Variants in AGTPBP1 observed in about 807,000 individuals in gnomAD.
AGTPBP1 encodes cytosolic carboxypeptidase 1.
A neutral mutation model predicts 143.9 loss-of-function variants in AGTPBP1; 70 were observed. The ratio of observed to expected loss-of-function variants is 0.49; its 90% CI spans 0.40 to 0.59. The LOEUF is 0.59. Ranked by LOEUF, AGTPBP1 falls within the 20% of genes least tolerant of loss-of-function variation. The probability of loss-of-function intolerance (pLI) is 0.00; values close to 1 mark genes in which losing one functional copy is unlikely to be tolerated. For synonymous variants in AGTPBP1, 463 were observed against 500.2 expected, an observed-to-expected ratio of 0.93 and a Z score of 0.99; for missense variants, 1,229 against 1,464.5, an observed-to-expected ratio of 0.84 and a Z score of 2.62.
chr9:85,765,000 T>G, the AGTPBP1 span: 1 of 670,058 alleles, frequency 1.5e-6, no homozygotes, highest in East Asian at 2.7e-5. Flanking sequence ...CTTTTTCACA[T>G]AATCATAAAT....
chr9:85,568,144 G>T (rs1827228328), intron 25 of AGTPBP1, among the ~76,000 whole-genome samples: 1 of 152,134 alleles, frequency 6.6e-6, no homozygotes, highest in Non-Finnish European at 1.5e-5. Context: ...GACCAGTGTG[G>T]TCCACAAACT....
At chr9:85,593,983 T>G (rs1829134444) in intron 18 of AGTPBP1, among the ~76,000 whole-genome samples, 2 of 152,196 alleles carry the variant, frequency 1.3e-5, no homozygotes, top group Admixed American at 1.3e-4. Context: ...GTTCAAAGTA[T>G]TTTCAAATTG....
chr9:85,630,542 C>T (rs565419566), intron 14 of AGTPBP1, among the ~76,000 whole-genome samples: 19 of 152,134 alleles, frequency 1.2e-4, no homozygotes, highest in East Asian at 3.9e-4. Flanking sequence ...TGCAGTGGCA[C>T]GATCACGGCT....
intron 14 of AGTPBP1, among the ~76,000 whole-genome samples, chr9:85,627,692 A>G (rs908580650): frequency 6.6e-6 from 1 of 152,122 alleles, no homozygotes; most frequent in African/African-American, 2.4e-5. Context: ...AGGAAGACCA[A>G]CCTATCCTTC....
intron 25 of AGTPBP1, among the ~76,000 whole-genome samples, chr9:85,547,776 C>T (rs1044759380): frequency 4.6e-5 from 7 of 152,168 alleles, no homozygotes; most frequent in Admixed American, 3.9e-4. Flanking sequence ...TATACCCACC[C>T]CACCAGTTTC....
chr9:85,603,853 A>C (rs78772573), intron 17 of AGTPBP1, among the ~76,000 whole-genome samples: 2,522 of 152,174 alleles, frequency 0.017, 30 homozygotes, highest in Middle Eastern at 0.054. Flanking sequence ...AGGCAGTACT[A>C]AACGCAGGCC....
At chr9:85,551,857 C>G (rs1826056682) in intron 25 of AGTPBP1, among the ~76,000 whole-genome samples, 2 of 151,964 alleles carry the variant, frequency 1.3e-5, no homozygotes, top group African/African-American at 4.8e-5. Flanking sequence ...TTTAAATAAG[C>G]AGATAGGAGT....
chr9:85,632,969 C>T lies in AGTPBP1; in HGVS notation c.1708G>A (p.Ala570Thr), dbSNP rs1197880781. ...CCACAAGTAGCCATGTGTGGACATG[C>T]TTTAGCACAGGTAAGGACAGTAAGA... ...LPLTVLTCAK[A>T]CPHMATCGNV... is the part of the protein sequence containing the mutation. Residue 570 changes from alanine to threonine, a missense_variant, in exon 14 of 26, where the codon GCA becomes ACA. This residue lies in a region of AGTPBP1 where 743 missense variants were observed against 812.2 expected (regional missense o/e 0.91). Coordinates refer to ENST00000357081, the MANE Select transcript of AGTPBP1 (RefSeq NM_001330701.2). The T allele has an allele frequency of 6.2e-7, 1 of 1,614,128 alleles. No individual in the cohort carries two copies. The highest frequency in any genetic ancestry group is 2.2e-5 in the East Asian group (1 of 44,888).
chr9:85,582,042 G>T (rs1339711839), intron 23 of AGTPBP1, among the ~76,000 whole-genome samples: 1 of 152,148 alleles, frequency 6.6e-6, no homozygotes, highest in Non-Finnish European at 1.5e-5. Flanking sequence ...TAATAATAAA[G>T]ATTTGTTTTG....
intron 1 of AGTPBP1, among the ~76,000 whole-genome samples, chr9:85,720,945 G>A (rs531897854): frequency 1.8e-4 from 27 of 152,296 alleles, no homozygotes; most frequent in Non-Finnish European, 3.1e-4. Flanking sequence ...TTCAGGAGCA[G>A]GTTGTTCAGT....
At chr9:85,724,946 T>C (rs1432532938) in intron 1 of AGTPBP1, among the ~76,000 whole-genome samples, 1 of 152,224 alleles carries the variant, frequency 6.6e-6, no homozygotes, top group Non-Finnish European at 1.5e-5. Context: ...TCCAGTAATA[T>C]GGCAGATACG....
chr9:85,704,689 G>T (rs1415699942), intron 2 of AGTPBP1, among the ~76,000 whole-genome samples: 2 of 152,158 alleles, frequency 1.3e-5, no homozygotes, highest in Non-Finnish European at 1.5e-5. Context: ...CAGGACAGCA[G>T]AAGGTAAAAA....
chr9:85,574,581 A>G (rs1827776697), intron 25 of AGTPBP1, among the ~76,000 whole-genome samples: 1 of 152,180 alleles, frequency 6.6e-6, no homozygotes, highest in Non-Finnish European at 1.5e-5. Context: ...TATATTTGGC[A>G]GATGTAGTTC....
intron 1 of AGTPBP1, among the ~76,000 whole-genome samples, chr9:85,730,610 C>A (rs1002749309): frequency 6.6e-6 from 1 of 152,124 alleles, no homozygotes; most frequent in Non-Finnish European, 1.5e-5. Flanking sequence ...TTCCCTGGTA[C>A]CCTAAGGGGT....
chr9:85,657,634 G>A lies in AGTPBP1; in HGVS notation c.710C>T (p.Ala237Val). 1 of 1,596,860 alleles carries A rather than the reference G, an allele frequency of 6.3e-7. No individual in the cohort carries two copies. The highest frequency in any genetic ancestry group is 8.5e-7 in the Non-Finnish European group (1 of 1,173,512). The change falls in exon 10 of 26, where the codon GCC (alanine) becomes GTC (valine). Residue 237 changes from alanine to valine, a missense_variant. Around this residue, in one of 2 missense-constraint regions of AGTPBP1, gnomAD observed 743 missense variants for 812.2 expected, o/e 0.91. Coordinates refer to ENST00000357081, the MANE Select transcript of AGTPBP1 (RefSeq NM_001330701.2). ...LAALLKSKTN[A>V]RRAVDRGYVQ... ...ATATCCTCTGTCTACAGCTCTCCTG[G>A]CATTTGTTTCTTTAACAAAAGAAGA...
the AGTPBP1 span, among the ~76,000 whole-genome samples, chr9:85,766,020 G>A: frequency 6.6e-6 from 1 of 151,934 alleles, no homozygotes; most frequent in East Asian, 1.9e-4. Context: ...GGAGCCCAAG[G>A]GTTATAGATT....
At chr9:85,685,318 T>G (rs776654904) in intron 3 of AGTPBP1, among the ~76,000 whole-genome samples, 18 of 151,726 alleles carry the variant, frequency 1.2e-4, no homozygotes, top group Non-Finnish European at 2.4e-4. Flanking sequence ...CAGTCAAACT[T>G]GAAAAGCAAA....
intron 18 of AGTPBP1, among the ~76,000 whole-genome samples, chr9:85,594,595 A>T (rs1416445360): frequency 2.0e-5 from 3 of 152,190 alleles, no homozygotes; most frequent in African/African-American, 7.2e-5. Flanking sequence ...GTTTAAAAAA[A>T]AAAATTAAAA....
chr9:85,761,587 C>G, the AGTPBP1 span, among the ~76,000 whole-genome samples: 1 of 152,316 alleles, frequency 6.6e-6, no homozygotes, highest in African/African-American at 2.4e-5. Flanking sequence ...AAAGCTGAAA[C>G]TGGATCCCTT....
Sources: gnomAD v4.1 joint callset for allele counts (sites outside exome capture counted in the v4.1 genomes callset) on GRCh38, gnomAD v4.1.1 for gene constraint, gnomAD v4.1.1 regional missense constraint, MANE v1.5 for transcripts, NCBI Gene and HGNC (gene_info 2026-07-23, HGNC 2026-07-21) for gene names.